Variants in PLEKHA7 observed in about 807,000 individuals in gnomAD.
The protein encoded by PLEKHA7 is pleckstrin homology domain containing A7.
In PLEKHA7, 104 loss-of-function variants were observed where a neutral mutation model predicts 170.0. The ratio of observed to expected loss-of-function variants is 0.61; its 90% CI spans 0.52 to 0.72. The LOEUF is 0.72. PLEKHA7 is among the 30% of genes least tolerant of loss of function. The pLI, the probability that PLEKHA7 is intolerant of heterozygous loss-of-function variation, is 0.00. For synonymous variants in PLEKHA7, 648 were observed against 660.8 expected, an observed-to-expected ratio of 0.98 and a Z score of 0.30; for missense variants, 1,615 against 1,671.7, an observed-to-expected ratio of 0.97 and a Z score of 0.59.
intron 3 of PLEKHA7, among the ~76,000 whole-genome samples, chr11:16,913,833 AC>A (rs1392155666): frequency 3.9e-5 from 6 of 152,140 alleles, no homozygotes; most frequent in African/African-American, 1.4e-4. Flanking sequence ...CCACACCATA[AC>A]TTTTTTGCTT....
chr11:16,998,775 T>A (rs901126254), intron 3 of PLEKHA7, among the ~76,000 whole-genome samples: 4 of 152,172 alleles, frequency 2.6e-5, no homozygotes, highest in African/African-American at 4.8e-5. Flanking sequence ...AGGGGTACAG[T>A]TATTATAGAT....
At chr11:16,802,692 T>C (rs1160291583) in intron 15 of PLEKHA7, among the ~76,000 whole-genome samples, 3 of 152,030 alleles carry the variant, frequency 2.0e-5, no homozygotes, top group African/African-American at 2.4e-5. Flanking sequence ...GGATTACAGG[T>C]GCCCACCACC....
intron 3 of PLEKHA7, among the ~76,000 whole-genome samples, chr11:16,902,561 T>C (rs1857407654): frequency 6.6e-6 from 1 of 152,220 alleles, no homozygotes; most frequent in Non-Finnish European, 1.5e-5. Flanking sequence ...AGTATTTCAT[T>C]ACGGTTTTGT....
At chr11:16,910,111 T>C (rs1369439377) in intron 3 of PLEKHA7, among the ~76,000 whole-genome samples, 1 of 152,234 alleles carries the variant, frequency 6.6e-6, no homozygotes, top group Non-Finnish European at 1.5e-5. Flanking sequence ...ACTTTTAAAT[T>C]TGAGAAAATC....
chr11:16,968,460 G>A (rs919511035), intron 3 of PLEKHA7, among the ~76,000 whole-genome samples: 3 of 152,158 alleles, frequency 2.0e-5, no homozygotes, highest in Non-Finnish European at 2.9e-5. Flanking sequence ...AAGGCTCTCT[G>A]CACTGCCCTC....
chr11:16,813,356 G>T (rs570954315), intron 12 of PLEKHA7, 190 bp from the exon 13 acceptor site: 1 of 470,856 alleles, frequency 2.1e-6, no homozygotes, highest in African/African-American at 2.0e-5. Context: ...TCAGCAGGGC[G>T]GATCTTGCAG....
chr11:16,800,186 T>C (rs1848498221), intron 17 of PLEKHA7, among the ~76,000 whole-genome samples: 1 of 152,120 alleles, frequency 6.6e-6, no homozygotes, highest in Non-Finnish European at 1.5e-5. Context: ...AAGGAGAAGA[T>C]ATAGATCTTA....
chr11:16,946,452 G>A lies in PLEKHA7; in HGVS notation c.221+67537C>T, dbSNP rs999340394. On this transcript the variant is annotated intron_variant, in intron 3 of 26. Coordinates refer to ENST00000531066, the MANE Select transcript of PLEKHA7 (RefSeq NM_001329630.2). ...AACCTTAAAGTGGAGGGGAGGGGGGGACTTTGAAATTGGTCACAGAATATT... is the reference window on the plus strand; with the variant it reads ...AACCTTAAAGTGGAGGGGAGGGGGGAACTTTGAAATTGGTCACAGAATATT... Among the ~76,000 whole-genome samples, 7 of 152,140 alleles carry A rather than the reference G, an allele frequency of 4.6e-5. No homozygotes were observed. The East Asian group carries it at 7.7e-4, about 17-fold the overall frequency.
intron 3 of PLEKHA7, among the ~76,000 whole-genome samples, chr11:16,976,311 C>A (rs7935333): frequency 0.044 from 6,666 of 152,274 alleles, 366 homozygotes; most frequent in African/African-American, 0.12. Flanking sequence ...GCTCCCTAGC[C>A]CACAGAAGAA....
chr11:16,800,667 ACT>A (rs1211480609), intron 17 of PLEKHA7, among the ~76,000 whole-genome samples: 3 of 152,152 alleles, frequency 2.0e-5, no homozygotes, highest in South Asian at 2.1e-4. Context: ...AACATGGATC[ACT>A]CTGTGATTAC....
chr11:16,790,244 C>A, intron 21 of PLEKHA7: 1 of 270,468 alleles, frequency 3.7e-6, no homozygotes, highest in Admixed American at 4.9e-5. Context: ...GTGAGGAGGA[C>A]AGTGAGAAGG....
At chr11:16,860,064 T>A in intron 4 of PLEKHA7, among the ~76,000 whole-genome samples, 1 of 152,184 alleles carries the variant, frequency 6.6e-6, no homozygotes, top group East Asian at 1.9e-4. Context: ...AACAGTGAGC[T>A]AGAGTTTGAA....
chr11:16,856,023 A>G, intron 4 of PLEKHA7, 109 bp from the exon 5 acceptor site: 1 of 867,278 alleles, frequency 1.2e-6, no homozygotes, highest in Non-Finnish European at 1.8e-6. Flanking sequence ...GAACAACCCA[A>G]CCCTGATTGT....
chr11:17,011,776 C>T (rs771122841), intron 3 of PLEKHA7, among the ~76,000 whole-genome samples: 1 of 152,140 alleles, frequency 6.6e-6, no homozygotes, highest in East Asian at 1.9e-4. Flanking sequence ...CTTCTGTCCT[C>T]TCTCCCCACC....
At chr11:16,916,189 C>T (rs1365928796) in intron 3 of PLEKHA7, among the ~76,000 whole-genome samples, 1 of 152,156 alleles carries the variant, frequency 6.6e-6, no homozygotes, top group African/African-American at 2.4e-5. Context: ...TCATGTCCTT[C>T]GCCCACTTGT....
At chr11:16,987,280 T>G (rs1475451407) in intron 3 of PLEKHA7, among the ~76,000 whole-genome samples, 1 of 131,674 alleles carries the variant, frequency 7.6e-6, no homozygotes, top group Non-Finnish European at 1.6e-5. Flanking sequence ...ACTGACCTGG[T>G]GGCCAGCCAA....
At chr11:16,917,836 T>TGC (rs1858806848) in intron 3 of PLEKHA7, among the ~76,000 whole-genome samples, 1 of 152,250 alleles carries the variant, frequency 6.6e-6, no homozygotes, top group African/African-American at 2.4e-5. Context: ...AGTGACTGTT[T>TGC]GCCTTGTGCA....
At position 16,803,045 on chromosome 11, in the gene PLEKHA7, A is replaced by T. The variant is rs1335801110; in HGVS notation, c.2084T>A (p.Leu695Gln). Residue 695 changes from leucine to glutamine, a missense_variant, in exon 15 of 27, where the codon CTG (leucine) becomes CAG (glutamine). Physicochemically the swap from Leu to Gln is moderately radical, Grantham distance 113 (BLOSUM62 -2). Transcript: ENST00000531066. ...KIAESDTDVKLSIFCEQDRVL... is the reference protein window; with the variant it reads ...KIAESDTDVKQSIFCEQDRVL... ...CCTGTCTTGTTCACAGAAGATGCTC[A>T]GTTTGACCTAAAAGCAAGAACAGGT... is the stretch of plus-strand genomic sequence containing the variant. 6.2e-7 allele frequency: 1 copy of T among 1,614,104 alleles called. No homozygotes were observed. The highest frequency in any genetic ancestry group is 1.1e-5 in the South Asian group (1 of 91,080).
At chr11:16,857,229 C>T (rs966005781) in intron 4 of PLEKHA7, among the ~76,000 whole-genome samples, 15 of 152,228 alleles carry the variant, frequency 9.9e-5, no homozygotes, top group African/African-American at 3.4e-4. Flanking sequence ...CTGCACTTTC[C>T]AAGCAATGCC....
Sources: gnomAD v4.1 joint callset for allele counts (sites outside exome capture counted in the v4.1 genomes callset) on GRCh38, gnomAD v4.1.1 for gene constraint, MANE v1.5 for transcripts, NCBI Gene and HGNC (gene_info 2026-07-23, HGNC 2026-07-21) for gene names.